The following ABCA12 variants were observed in gnomAD, a reference collection of about 807,000 sequenced individuals.
The protein encoded by ABCA12 is glucosylceramide transporter ABCA12.
A neutral mutation model predicts 293.5 loss-of-function variants in ABCA12; 156 were observed. The ratio of observed to expected loss-of-function variants is 0.53; its 90% CI spans 0.47 to 0.61. The LOEUF (loss-of-function observed/expected upper bound fraction) is 0.61. Among genes scored for constraint, ABCA12 ranks in the 20% least tolerant of loss-of-function variants. ABCA12 has a pLI of 0.00. For missense variants in ABCA12, 2,797 were observed against 3,090.2 expected, an observed-to-expected ratio of 0.91 and a Z score of 2.25; for synonymous variants, 1,063 against 1,108.0, an observed-to-expected ratio of 0.96 and a Z score of 0.81.
At chr2:215,025,418 C>G (rs984021088) in intron 11 of ABCA12, 2 of 428,136 alleles carry the variant, frequency 4.7e-6, no homozygotes, top group Non-Finnish European at 8.4e-6. Context: ...ACCTCGGCCT[C>G]CTGAGTAGCT....
chr2:215,000,612 T>C, intron 22 of ABCA12, 93 bp downstream of exon 22: 1 of 1,462,536 alleles, frequency 6.8e-7, no homozygotes, highest in Non-Finnish European at 9.5e-7. Flanking sequence ...GTGAATGTTG[T>C]TCCTTTCATG....
At chr2:215,099,720 C>A (rs1388299323) in intron 2 of ABCA12, among the ~76,000 whole-genome samples, 1 of 151,452 alleles carries the variant, frequency 6.6e-6, no homozygotes, top group Non-Finnish European at 1.5e-5. Context: ...ATTCTGACCC[C>A]TGGAAAATGG....
chr2:215,124,655 G>A (rs2105911570), intron 1 of ABCA12, among the ~76,000 whole-genome samples: 1 of 152,118 alleles, frequency 6.6e-6, no homozygotes, highest in Middle Eastern at 3.4e-3. Flanking sequence ...GGGATTGTTT[G>A]TTTTTTTCTT....
At chr2:214,947,149 T>G (rs1698607744) in intron 48 of ABCA12, among the ~76,000 whole-genome samples, 1 of 152,226 alleles carries the variant, frequency 6.6e-6, no homozygotes, top group Non-Finnish European at 1.5e-5. Flanking sequence ...TTTGTTTCAC[T>G]TCCCATTTCC....
At chr2:215,029,760 T>C (rs1330332818) in intron 9 of ABCA12, among the ~76,000 whole-genome samples, 1 of 152,114 alleles carries the variant, frequency 6.6e-6, no homozygotes, top group Non-Finnish European at 1.5e-5. Flanking sequence ...AACACTGGAG[T>C]AATCCTTTAT....
rs1267259740 is a variant in ABCA12, at chr2:214,991,001, T to C, written c.3325A>G (p.Ser1109Gly). Residue 1109 changes from serine to glycine, a missense_variant, in exon 24 of 53, where the codon AGC (serine) becomes GGC (glycine). Physicochemically the swap from Ser to Gly is moderately conservative, Grantham distance 56. This residue lies in a region of ABCA12 where 2,130 missense variants were observed against 2,427.0 expected (regional missense o/e 0.88). Transcript: ENST00000272895. ...TCTATAAGCCAGGCAAAGAAATGGC[T>C]GCAGGAGTTCACACCCATCATCTTC... The part of the protein sequence containing the change: ...YMKMMGVNSC[S>G]HFFAWLIESV... 1.2e-6 allele frequency: 2 copies of C among 1,613,870 alleles called. No homozygotes were observed. The highest frequency in any genetic ancestry group is 1.3e-5 in the African/African-American group (1 of 74,932).
intron 27 of ABCA12, among the ~76,000 whole-genome samples, chr2:214,987,234 A>G (rs1199314728): frequency 6.6e-6 from 1 of 152,192 alleles, no homozygotes; most frequent in Non-Finnish European, 1.5e-5. Flanking sequence ...CTCACCTAGT[A>G]TCAGGAAGAC....
At chr2:214,953,579 C>T (rs1698847303) in intron 44 of ABCA12, among the ~76,000 whole-genome samples, 1 of 152,194 alleles carries the variant, frequency 6.6e-6, no homozygotes, top group South Asian at 2.1e-4. Context: ...CATATTTTCA[C>T]TTCACCACTG....
In ABCA12 at chr2:214,932,648, G is replaced by C; in HGVS notation, c.7774C>G (p.Gln2592Glu). 2 of 1,612,272 alleles carry C rather than the reference G, an allele frequency of 1.2e-6. No individual in the cohort carries two copies. Among genetic ancestry groups the C allele is most frequent in the Non-Finnish European group, 1.7e-6 (2 of 1,178,624 alleles). ...STISVDSQDD[Q>E]MES is the part of the protein sequence containing the mutation. ...TGCTGGAAGTGTTAAGACTCCATCT[G>C]GTCATCTTGTGAGTCAACACTTATA... The change falls in exon 53 of 53, where the codon CAG (glutamine) becomes GAG (glutamate). Residue 2592 changes from glutamine to glutamate, a missense_variant. Transcript: ENST00000272895.
At position 214,986,660 on chromosome 2, in the gene ABCA12, G is replaced by A. The variant is rs1177729925; in HGVS notation, c.4045C>T (p.His1349Tyr). The A allele has an allele frequency of 6.2e-7, 1 of 1,614,106 alleles. No individual in the cohort carries two copies. Among genetic ancestry groups the A allele is most frequent in the Admixed American group, 1.7e-5 (1 of 60,014 alleles). The change falls in exon 28 of 53, where the codon CAT (histidine) becomes TAT (tyrosine). Residue 1349 changes from histidine to tyrosine, a missense_variant. Transcript: ENST00000272895. Reference sequence around the variant, plus strand: ...GAGCCATAGATCTTTGTGACCCCATGCAGGGCAACCCCGACTGTGAGATCT... The same window carrying A: ...GAGCCATAGATCTTTGTGACCCCATACAGGGCAACCCCGACTGTGAGATCT... ...PKDLTVGVAL[H>Y]GVTKIYGSKV...
At chr2:215,078,135 T>G (rs933238598) in intron 2 of ABCA12, among the ~76,000 whole-genome samples, 2 of 152,236 alleles carry the variant, frequency 1.3e-5, no homozygotes, top group Admixed American at 6.5e-5. Flanking sequence ...AAAAACAGGT[T>G]AGCCATTAGC....
At chr2:215,089,882 A>T (rs1702106720) in intron 2 of ABCA12, among the ~76,000 whole-genome samples, 1 of 152,236 alleles carries the variant, frequency 6.6e-6, no homozygotes, top group African/African-American at 2.4e-5. Context: ...AGAAGCAACT[A>T]ATAGTTCAGT....
At chr2:214,956,826 A>C (rs1698964071) in intron 41 of ABCA12, 48 bp from the exon 42 acceptor site, 1 of 286,618 alleles carries the variant, frequency 3.5e-6, no homozygotes. Flanking sequence ...AGCATTTTTC[A>C]AAAAAAAAAA....
intron 43 of ABCA12, among the ~76,000 whole-genome samples, chr2:214,954,450 G>A (rs1279339121): frequency 6.6e-6 from 1 of 152,110 alleles, no homozygotes; most frequent in Non-Finnish European, 1.5e-5. Context: ...CCTGAGGGAG[G>A]GAGGTACTTG....
intron 15 of ABCA12, 95 bp from the exon 16 acceptor site, chr2:215,012,230 A>G: frequency 8.5e-7 from 1 of 1,174,510 alleles, no homozygotes; most frequent in South Asian, 1.3e-5. Flanking sequence ...GCCACTTTGG[A>G]AAACATTTTT....
At chr2:215,011,676 T>C in intron 16 of ABCA12, 27 bp from the exon 17 acceptor site, 1 of 1,600,662 alleles carries the variant, frequency 6.2e-7, no homozygotes, top group East Asian at 2.2e-5. Flanking sequence ...CACAATTTAT[T>C]GACACTATAT....
At chr2:215,078,425 G>C (rs1480954922) in intron 2 of ABCA12, among the ~76,000 whole-genome samples, 1 of 152,188 alleles carries the variant, frequency 6.6e-6, no homozygotes, top group African/African-American at 2.4e-5. Context: ...TGATTTTACT[G>C]TATGGATGCT....
chr2:214,942,600 C>G (rs1698442065), intron 50 of ABCA12, among the ~76,000 whole-genome samples: 1 of 152,118 alleles, frequency 6.6e-6, no homozygotes, highest in Non-Finnish European at 1.5e-5. Flanking sequence ...ATTGGGTAAA[C>G]TCTAGAACTT....
At chr2:215,051,569 T>C (rs1483478212) in intron 5 of ABCA12, among the ~76,000 whole-genome samples, 3 of 149,724 alleles carry the variant, frequency 2.0e-5, no homozygotes, top group Non-Finnish European at 3.0e-5. Context: ...ATAAAAGAAA[T>C]GGTTGCTATA....
Sources: allele counts gnomAD v4.1 joint callset (sites outside exome capture counted in the v4.1 genomes callset), GRCh38; gene constraint gnomAD v4.1.1; regional missense constraint gnomAD v4.1.1; transcripts MANE v1.5; gene names NCBI Gene and HGNC (gene_info 2026-07-23, HGNC 2026-07-21).